Variants in PPIF observed in about 807,000 individuals in gnomAD.
The protein encoded by PPIF is peptidyl-prolyl cis-trans isomerase F, mitochondrial.
In PPIF, 23 loss-of-function variants were observed where a neutral mutation model predicts 20.2. That is an observed-to-expected ratio of 1.14 (90% CI 0.82 to 1.61). The LOEUF is 1.61. Among genes scored for constraint, PPIF ranks in the 40% most tolerant of loss-of-function variants. The pLI is 0.00. For missense variants in PPIF, 287 were observed against 291.6 expected (o/e 0.98, Z 0.11); for synonymous variants, 113 against 123.1 (o/e 0.92, Z 0.54).
At chr10:79,349,881 T>C (rs550098680) in intron 3 of PPIF, 128 bp downstream of exon 3, 1 of 1,505,822 alleles carries the variant, frequency 6.6e-7, no homozygotes, top group African/African-American at 1.4e-5. Flanking sequence ...CAGGCTGCCC[T>C]CCCTGCATTA....
rs1179640257 is a variant in PPIF at position 79,347,528 on chromosome 10, C to T, written c.-21C>T. On this transcript the variant is annotated 5_prime_UTR_variant, in exon 1 of 6. Coordinates refer to ENST00000225174, the MANE Select transcript of PPIF (RefSeq NM_005729.4). The stretch of plus-strand genomic sequence containing the variant: ...AGTTCTGTGTTCTCCCCGCCCGTGT[C>T]CCGCCCGACCCGCGCCCGCGATGCT... The T allele has an allele frequency of 2.3e-6, 3 of 1,294,898 alleles. No homozygotes were observed. Among genetic ancestry groups the T allele is most frequent in the East Asian group, 3.2e-5 (1 of 31,576 alleles). 80.2% of individuals were successfully genotyped at this position (1,294,898 alleles called of 1,614,324 possible).
In PPIF at chr10:79,351,504, C is replaced by T. The variant is rs752799243; in HGVS notation, c.333C>T (p.Asn111=). 23 of 1,613,948 alleles carry T rather than the reference C, an allele frequency of 1.4e-5. No homozygotes were observed. The highest frequency in any genetic ancestry group is 1.9e-5 in the Non-Finnish European group (23 of 1,179,998). ...SFMCQAGDFT[N]HNGTGGKSIY... is the part of the protein sequence containing the mutation. ...GCTCACAGGCGGGCGACTTCACCAA[C>T]CACAATGGCACAGGCGGGAAGTCCA... The change falls in exon 4 of 6, where the codon AAC becomes AAT. Residue 111 remains asparagine (N), a synonymous_variant. Transcript: ENST00000225174.
chr10:79,350,185 G>A lies in PPIF; in HGVS notation c.315+432G>A, dbSNP rs556532635. 2.3e-5 allele frequency: 4 copies of A among 177,580 alleles called. No homozygotes were observed. In the South Asian group the frequency reaches 3.9e-4, roughly 17 times the overall value. The allele number at this position is 177,580 out of a possible 1,614,324, so 11.0% of individuals were successfully genotyped here. ...ACAGGTCCAGGGCAGGAACACACAC[G>A]CCAGGACTTGGGGCTTCCCTTCCCA... On this transcript the variant is annotated intron_variant, in intron 3 of 5. Coordinates refer to ENST00000225174, the MANE Select transcript of PPIF (RefSeq NM_005729.4).
chr10:79,349,539 G>A lies in PPIF; in HGVS notation c.227-126G>A, dbSNP rs535640625. On this transcript the variant is annotated intron_variant, in intron 2 of 5. Transcript: ENST00000225174. ...AGCGAGTTGGGCAGAGCAGACCCAA[G>A]AGGTGGGCCAGAGTCTTTATCCCCC... is the stretch of plus-strand genomic sequence containing the variant. The A allele has an allele frequency of 8.7e-6, 13 of 1,495,700 alleles. No individual in the cohort carries two copies. The African/African-American group carries it at 1.5e-4, about 18-fold the overall frequency. 92.7% of individuals were successfully genotyped at this position (1,495,700 alleles called of 1,614,324 possible).
In PPIF at chr10:79,351,548, C is replaced by T. The variant is rs1855982943; in HGVS notation, c.377C>T (p.Pro126Leu). 2 of 1,614,176 alleles carry T rather than the reference C, an allele frequency of 1.2e-6. No individual in the cohort carries two copies. The highest frequency in any genetic ancestry group is 1.7e-6 in the Non-Finnish European group (2 of 1,179,996). The change falls in exon 4 of 6, where the codon CCT becomes CTT. Residue 126 changes from proline to leucine, a missense_variant. Coordinates refer to ENST00000225174, the MANE Select transcript of PPIF (RefSeq NM_005729.4). The stretch of plus-strand genomic sequence containing the variant: ...AAGTCCATCTACGGAAGCCGCTTTC[C>T]TGACGAGAACTTTACACTGAAGCAC... ...GGKSIYGSRF[P>L]DENFTLKHVG...
In PPIF at chr10:79,347,707, C is replaced by A; in HGVS notation, c.159C>A (p.Asp53Glu). 2 of 1,461,314 alleles carry A rather than the reference C, an allele frequency of 1.4e-6. No homozygotes were observed. Among genetic ancestry groups the A allele is most frequent in the Admixed American group, 2.4e-5 (1 of 40,880 alleles). The allele number at this position is 1,461,314 out of a possible 1,614,324, so 90.5% of individuals were successfully genotyped here. The change falls in exon 1 of 6, where the codon GAC (aspartate) becomes GAA (glutamate). Residue 53 changes from aspartate to glutamate, a missense_variant. Physicochemically the swap from Asp to Glu is conservative, Grantham distance 45. Coordinates refer to ENST00000225174, the MANE Select transcript of PPIF (RefSeq NM_005729.4). The stretch of plus-strand genomic sequence containing the variant: ...ACCCGCTCGTGTACCTGGACGTGGA[C>A]GCCAACGGGAAGCCGCTCGGCCGCG... The part of the protein sequence containing the change: ...SGNPLVYLDV[D>E]ANGKPLGRVV...
In PPIF at chr10:79,353,231, AGCTGG is replaced by A. The variant is rs201871109; in HGVS notation, c.489-475_489-471del. Among the ~76,000 whole-genome samples the A allele has an allele frequency of 4.7e-3, 710 of 152,320 alleles. 9 individuals carry two copies. The highest frequency in any genetic ancestry group is 0.016 in the African/African-American group (661 of 41,560). On this transcript the variant is annotated intron_variant, in intron 5 of 5. Coordinates refer to ENST00000225174, the MANE Select transcript of PPIF (RefSeq NM_005729.4). ...GCTGGAACCACGCCAGCTTCGCTGG[AGCTGG>A]ACTGAGCCGCCTTTTACATTATTGG...
chr10:79,353,277 G>C (rs913035984), intron 5 of PPIF, among the ~76,000 whole-genome samples: 7 of 152,252 alleles, frequency 4.6e-5, no homozygotes, highest in African/African-American at 1.4e-4. Context: ...CTCGGGTTGA[G>C]AGCTGCCCAG....
At position 79,349,652 on chromosome 10, in the gene PPIF, C is replaced by T. The variant is rs769433083; in HGVS notation, c.227-13C>T. 5.6e-6 allele frequency: 9 copies of T among 1,612,738 alleles called. No homozygotes were observed. The highest frequency in any genetic ancestry group is 5.0e-5 in the Admixed American group (3 of 59,996). ...CCTGGCCCTGTTGACCTGTGTTTCT[C>T]TTCGACCCTCAGAGAACTTCAGAGC... On this transcript the variant is annotated splice_polypyrimidine_tract_variant and intron_variant, in intron 2 of 5. Coordinates refer to ENST00000225174, the MANE Select transcript of PPIF (RefSeq NM_005729.4).
At chr10:79,353,516 A>G in intron 5 of PPIF, 191 bp from the exon 6 acceptor site, 1 of 939,828 alleles carries the variant, frequency 1.1e-6, no homozygotes, top group Non-Finnish European at 1.6e-6. Flanking sequence ...TGTGTCCTGG[A>G]AGCCAGGCAT....
chr10:79,349,554 C>G (rs962284164), intron 2 of PPIF, 111 bp from the exon 3 acceptor site: 1 of 1,525,700 alleles, frequency 6.6e-7, no homozygotes, highest in Non-Finnish European at 8.8e-7. Context: ...GGGCCAGAGT[C>G]TTTATCCCCC....
In PPIF at chr10:79,349,506, A is replaced by G. The variant is rs564083661; in HGVS notation, c.227-159A>G. 3.3e-5 allele frequency among the ~76,000 whole-genome samples: 5 copies of G among 152,370 alleles called. No homozygotes were observed. In the East Asian group the frequency reaches 9.6e-4, roughly 29 times the overall value. ...GACAGGGAAGGGGAGTGACTTGTCC[A>G]GTTACATAGCGAGTTGGGCAGAGCA... On this transcript the variant is annotated intron_variant, in intron 2 of 5. Coordinates refer to ENST00000225174, the MANE Select transcript of PPIF (RefSeq NM_005729.4).
chr10:79,351,019 G>C (rs1466098327), intron 3 of PPIF, among the ~76,000 whole-genome samples: 6 of 152,194 alleles, frequency 3.9e-5, no homozygotes, highest in Non-Finnish European at 8.8e-5. Context: ...GGTTGGGAAA[G>C]CTGCTGGGCT....
chr10:79,353,746 G>C lies in PPIF; in HGVS notation c.528G>C (p.Glu176Asp). 6.2e-7 allele frequency: 1 copy of C among 1,614,254 alleles called. No individual in the cohort carries two copies. Among genetic ancestry groups the C allele is most frequent in the Non-Finnish European group, 8.5e-7 (1 of 1,180,042 alleles). The change falls in exon 6 of 6, where the codon GAG becomes GAC. Residue 176 changes from glutamate to aspartate, a missense_variant. Physicochemically the swap from Glu to Asp is conservative, Grantham distance 45. Transcript: ENST00000225174. ...ATGTTGTGTTCGGTCACGTCAAAGA[G>C]GGCATGGACGTCGTGAAGAAAATAG... ...GKHVVFGHVK[E>D]GMDVVKKIES...
rs1014544330 is a variant in PPIF, at chr10:79,354,486, C to A, written c.*644C>A. The A allele has an allele frequency of 6.5e-6, 1 of 153,306 alleles. No individual in the cohort carries two copies. Among genetic ancestry groups the A allele is most frequent in the East Asian group, 1.9e-4 (1 of 5,336 alleles). 9.5% of individuals were successfully genotyped at this position (153,306 alleles called of 1,614,324 possible). On this transcript the variant is annotated 3_prime_UTR_variant, in exon 6 of 6. Transcript: ENST00000225174. ...GCCCATGGGGGTAGGAGCAGTTGAA[C>A]CTGGGAACAAACCTCACTTGAGCTG...
At chr10:79,347,859 C>T (rs1287694995) in intron 1 of PPIF, 116 bp downstream of exon 1, 5 of 1,220,414 alleles carry the variant, frequency 4.1e-6, no homozygotes, top group Non-Finnish European at 4.1e-6. Flanking sequence ...CCATGCCGAG[C>T]TCTGGGCCTC....
At chr10:79,350,536 C>T (rs542992909) in intron 3 of PPIF, among the ~76,000 whole-genome samples, 14 of 152,268 alleles carry the variant, frequency 9.2e-5, no homozygotes, top group Admixed American at 2.6e-4. Context: ...TAAGTGGCAG[C>T]GGGTTGGGAC....
At chr10:79,350,873 C>T (rs957578417) in intron 3 of PPIF, among the ~76,000 whole-genome samples, 2 of 152,220 alleles carry the variant, frequency 1.3e-5, no homozygotes, top group African/African-American at 2.4e-5. Context: ...GGCTGGGCAG[C>T]GCTAGGCATA....
At chr10:79,352,162 G>C (rs1169420761) in intron 4 of PPIF, among the ~76,000 whole-genome samples, 155 bp from the exon 5 acceptor site, 1 of 152,102 alleles carries the variant, frequency 6.6e-6, no homozygotes, top group Non-Finnish European at 1.5e-5. Context: ...GCATACCCTG[G>C]GGGGCTGGTA....
Sources: gnomAD v4.1 joint callset for allele counts (sites outside exome capture counted in the v4.1 genomes callset) on GRCh38, gnomAD v4.1.1 for gene constraint, MANE v1.5 for transcripts, NCBI Gene and HGNC (gene_info 2026-07-23, HGNC 2026-07-21) for gene names.